The following COL22A1 variants were observed in gnomAD, a reference collection of about 807,000 sequenced individuals.
The protein encoded by COL22A1 is collagen alpha-1(XXII) chain.
Under a neutral mutation model 248.9 loss-of-function variants are expected in COL22A1, and 221 were observed. The ratio of observed to expected loss-of-function variants is 0.89; its 90% CI spans 0.80 to 0.99. The LOEUF (loss-of-function observed/expected upper bound fraction) is 0.99, where lower values mean the gene tolerates loss of function less well. Ranked by LOEUF, COL22A1 falls within the 50% of genes least tolerant of loss-of-function variation. The pLI is 0.00. For synonymous variants in COL22A1, 891 were observed against 793.4 expected, an observed-to-expected ratio of 1.12 and a Z score of -2.07; for missense variants, 2,240 against 2,179.0, an observed-to-expected ratio of 1.03 and a Z score of -0.56.
At chr8:138,859,735 A>T (rs771539276) in intron 3 of COL22A1, among the ~76,000 whole-genome samples, 10 of 152,042 alleles carry the variant, frequency 6.6e-5, no homozygotes, top group African/African-American at 1.2e-4. Context: ...GACTGAGGTC[A>T]CCTCTGAGGA....
intron 47 of COL22A1, among the ~76,000 whole-genome samples, chr8:138,638,164 C>A (rs1442066841): frequency 6.6e-6 from 1 of 152,148 alleles, no homozygotes; most frequent in Non-Finnish European, 1.5e-5. Flanking sequence ...TCCAAAGGTT[C>A]AAATTCTTTA....
In COL22A1 at chr8:138,837,299, C is replaced by T. The variant is rs530730016; in HGVS notation, c.734-4149G>A. 2.0e-4 allele frequency among the ~76,000 whole-genome samples: 31 copies of T among 152,300 alleles called. No individual in the cohort carries two copies. In the South Asian group the frequency reaches 6.2e-3, roughly 31 times the overall value. ...TCCAGAGTGCATGACTGGGAGCAGC[C>T]GCCACACCTACCGGAGAGGGAGTCC... On this transcript the variant is annotated intron_variant, in intron 4 of 64. Transcript: ENST00000303045.
In COL22A1 at chr8:138,762,393, C is replaced by A; in HGVS notation, c.1857+20G>T. On this transcript the variant is annotated intron_variant, in intron 17 of 64. Coordinates refer to ENST00000303045, the MANE Select transcript of COL22A1 (RefSeq NM_152888.3). ...TGACCGCTGATGAAACCTAGCCCAACAGCGCCAGCACCCACCTACCTGCTG... is the reference window on the plus strand; with the variant it reads ...TGACCGCTGATGAAACCTAGCCCAAAAGCGCCAGCACCCACCTACCTGCTG... 1 of 1,613,666 alleles carries A rather than the reference C, an allele frequency of 6.2e-7. No individual in the cohort carries two copies. The highest frequency in any genetic ancestry group is 8.5e-7 in the Non-Finnish European group (1 of 1,179,658).
intron 41 of COL22A1, among the ~76,000 whole-genome samples, chr8:138,664,090 C>T (rs1198647699): frequency 1.3e-5 from 2 of 151,524 alleles, no homozygotes; most frequent in African/African-American, 4.8e-5. Context: ...GATGCACTGG[C>T]TCTTTCTGCT....
At chr8:138,801,634 C>T (rs1817007756) in intron 11 of COL22A1, among the ~76,000 whole-genome samples, 1 of 152,246 alleles carries the variant, frequency 6.6e-6, no homozygotes, top group Middle Eastern at 3.4e-3. Context: ...AGGCTTTACC[C>T]CAGCAATTAG....
At chr8:138,759,579 C>T (rs764931278) in intron 18 of COL22A1, among the ~76,000 whole-genome samples, 28 of 152,172 alleles carry the variant, frequency 1.8e-4, no homozygotes, top group Non-Finnish European at 2.6e-4. Flanking sequence ...CTTTTTCCTT[C>T]TTCGTGACCC....
At chr8:138,737,461 TG>T in intron 23 of COL22A1, 62 bp downstream of exon 23, 1 of 1,199,800 alleles carries the variant, frequency 8.3e-7, no homozygotes, top group Non-Finnish European at 1.2e-6. Context: ...AGCTGCTGCC[TG>T]GTCATTTATT....
At chr8:138,615,329 G>A (rs1393734290) in intron 55 of COL22A1, among the ~76,000 whole-genome samples, 2 of 152,040 alleles carry the variant, frequency 1.3e-5, no homozygotes, top group African/African-American at 2.4e-5. Context: ...TCAGCAGTTC[G>A]AGACCAGCCT....
chr8:138,694,440 T>C, intron 34 of COL22A1, 68 bp downstream of exon 34: 2 of 1,496,666 alleles, frequency 1.3e-6, no homozygotes, highest in Non-Finnish European at 1.9e-6. Flanking sequence ...GAGGGTGGCC[T>C]GGAGCGAGAG....
At chr8:138,716,135 A>G in intron 29 of COL22A1, 92 bp downstream of exon 29, 1 of 969,244 alleles carries the variant, frequency 1.0e-6, no homozygotes, top group Non-Finnish European at 1.6e-6. Flanking sequence ...CAAAATTATG[A>G]CTGTCCCGAG....
intron 2 of COL22A1, among the ~76,000 whole-genome samples, chr8:138,881,567 C>G (rs1430842900): frequency 6.6e-6 from 1 of 152,180 alleles, no homozygotes; most frequent in African/African-American, 2.4e-5. Flanking sequence ...CGCCTGTAGT[C>G]CCAGCTATGC....
At chr8:138,673,229 T>A (rs1164800113) in intron 41 of COL22A1, among the ~76,000 whole-genome samples, 2 of 150,918 alleles carry the variant, frequency 1.3e-5, no homozygotes, top group African/African-American at 4.9e-5. Flanking sequence ...TTTTTTTTTT[T>A]AGACAGAGTC....
chr8:138,734,070 C>T (rs966993832), intron 23 of COL22A1, among the ~76,000 whole-genome samples: 3 of 152,214 alleles, frequency 2.0e-5, no homozygotes, highest in Non-Finnish European at 4.4e-5. Context: ...CCAGTAGTGG[C>T]TCCTGCCCAA....
At chr8:138,700,434 C>T (rs1352953736) in intron 31 of COL22A1, among the ~76,000 whole-genome samples, 3 of 152,130 alleles carry the variant, frequency 2.0e-5, no homozygotes, top group Non-Finnish European at 2.9e-5. Flanking sequence ...ATGTCCCCAT[C>T]GGTAAAACGG....
intron 11 of COL22A1, among the ~76,000 whole-genome samples, chr8:138,802,321 C>A (rs1817062773): frequency 6.6e-6 from 1 of 151,910 alleles, no homozygotes; most frequent in African/African-American, 2.4e-5. Flanking sequence ...TCATGCTAGG[C>A]CAGGTGCTGG....
At chr8:138,696,584 T>C (rs1455653547) in intron 32 of COL22A1, among the ~76,000 whole-genome samples, 1 of 151,512 alleles carries the variant, frequency 6.6e-6, no homozygotes, top group Non-Finnish European at 1.5e-5. Context: ...CTACCTGCCC[T>C]CCCTTCCCAA....
At chr8:138,618,948 G>A (rs1735446352) in intron 53 of COL22A1, among the ~76,000 whole-genome samples, 1 of 152,174 alleles carries the variant, frequency 6.6e-6, no homozygotes, top group East Asian at 1.9e-4. Context: ...TAGAAAAAAG[G>A]ACTAGAAAAA....
At chr8:138,712,179 C>G (rs1349182180) in intron 30 of COL22A1, among the ~76,000 whole-genome samples, 1 of 152,126 alleles carries the variant, frequency 6.6e-6, no homozygotes, top group Non-Finnish European at 1.5e-5. Context: ...GACTGGCAAA[C>G]CAAGGCACAG....
intron 43 of COL22A1, 141 bp from the exon 44 acceptor site, chr8:138,660,621 C>A (rs1202540210): frequency 1.4e-6 from 1 of 698,650 alleles, no homozygotes; most frequent in Non-Finnish European, 2.4e-6. Flanking sequence ...AGGATTGGCA[C>A]CAATAAAAAT....
Sources: gnomAD v4.1 joint callset for allele counts (sites outside exome capture counted in the v4.1 genomes callset) on GRCh38, gnomAD v4.1.1 for gene constraint, MANE v1.5 for transcripts, NCBI Gene and HGNC (gene_info 2026-07-23, HGNC 2026-07-21) for gene names.